Variants in GNA12 observed in about 807,000 individuals in gnomAD.
GNA12 encodes G protein subunit alpha 12, also known as guanine nucleotide-binding protein subunit alpha-12.
A neutral mutation model predicts 26.0 loss-of-function variants in GNA12; 9 were observed. That is an observed-to-expected ratio of 0.35 (90% CI 0.21 to 0.60). The LOEUF (loss-of-function observed/expected upper bound fraction) is 0.60. GNA12 is among the 20% of genes least tolerant of loss of function. The pLI is 0.78. For missense variants in GNA12, 405 were observed against 525.8 expected (o/e 0.77, Z 2.25); for synonymous variants, 264 against 219.6 (o/e 1.20, Z -1.79).
At chr7:2,780,022 C>G (rs6964740) in intron 2 of GNA12, among the ~76,000 whole-genome samples, 16,135 of 132,386 alleles carry the variant, frequency 0.12, 1,294 homozygotes, top group African/African-American at 0.17. Flanking sequence ...ACTTACACCA[C>G]GTACTAGTTT....
At chr7:2,757,916 C>T (rs572283901) in intron 2 of GNA12, among the ~76,000 whole-genome samples, 1 of 152,152 alleles carries the variant, frequency 6.6e-6, no homozygotes, top group Non-Finnish European at 1.5e-5. Context: ...GACTCCTGTT[C>T]GCTGTCCCCA....
chr7:2,749,544 G>C (rs1247243613), intron 2 of GNA12, among the ~76,000 whole-genome samples: 1 of 151,792 alleles, frequency 6.6e-6, no homozygotes, highest in East Asian at 1.9e-4. Context: ...ATAGCATTAG[G>C]AGATATACCT....
chr7:2,767,479 A>G (rs987138418), intron 2 of GNA12, among the ~76,000 whole-genome samples: 3 of 152,224 alleles, frequency 2.0e-5, no homozygotes, highest in African/African-American at 7.2e-5. Flanking sequence ...TAAATGTACA[A>G]TCACTTATGT....
At chr7:2,791,198 G>T (rs1238671819) in intron 2 of GNA12, among the ~76,000 whole-genome samples, 1 of 152,096 alleles carries the variant, frequency 6.6e-6, no homozygotes, top group South Asian at 2.1e-4. Flanking sequence ...TCTTTCTGTT[G>T]AGCATCCTGC....
At chr7:2,780,629 T>C (rs551505933) in intron 2 of GNA12, among the ~76,000 whole-genome samples, 1 of 152,350 alleles carries the variant, frequency 6.6e-6, no homozygotes, top group African/African-American at 2.4e-5. Flanking sequence ...ATATATGTGC[T>C]TATGTATGAA....
chr7:2,731,377 A>T lies in GNA12; in HGVS notation c.950T>A (p.Phe317Tyr). ...TVSIKKHFPDFRGDPHRLEDV... is the reference protein window; with the variant it reads ...TVSIKKHFPDYRGDPHRLEDV... ...CTCCAGCCTGTGCGGGTCGCCCCTGAAGTCCGGGAAGTGCTTCTTGATGCT... is the reference window on the plus strand; with the variant it reads ...CTCCAGCCTGTGCGGGTCGCCCCTGTAGTCCGGGAAGTGCTTCTTGATGCT... The change falls in exon 4 of 4, where the codon TTC becomes TAC. Residue 317 changes from phenylalanine (F) to tyrosine (Y), a missense_variant. Transcript: ENST00000275364. This position sits in a 1 kb window ranked among gnomAD's most constrained non-coding sequence, Gnocchi z 6.0. 6.2e-7 allele frequency: 1 copy of T among 1,613,332 alleles called. No individual in the cohort carries two copies. The highest frequency in any genetic ancestry group is 2.2e-5 in the East Asian group (1 of 44,836).
chr7:2,747,901 C>T (rs990982163), intron 2 of GNA12, among the ~76,000 whole-genome samples: 5 of 151,944 alleles, frequency 3.3e-5, no homozygotes, highest in African/African-American at 9.7e-5. Flanking sequence ...AGTGAACTCC[C>T]ATTCACAATT....
At chr7:2,740,370 C>G (rs143511799) in intron 2 of GNA12, among the ~76,000 whole-genome samples, 2 of 152,032 alleles carry the variant, frequency 1.3e-5, no homozygotes, top group Non-Finnish European at 1.5e-5. Context: ...AAGAAGAGAC[C>G]GGAGAGCTCT....
intron 2 of GNA12, among the ~76,000 whole-genome samples, chr7:2,737,289 G>GTTTTTTTTTTTTT (rs11389467): frequency 2.4e-4 from 15 of 62,278 alleles, no homozygotes; most frequent in African/African-American, 5.5e-4. Context: ...TTTTTTTTTT[G>GTTTTTTTTTTTTT]TTTTTTTTTT....
chr7:2,737,855 G>C (rs191176534), intron 2 of GNA12, among the ~76,000 whole-genome samples: 38 of 152,278 alleles, frequency 2.5e-4, no homozygotes, highest in African/African-American at 8.7e-4. Context: ...CCACTGAATA[G>C]AGACGCTAGC....
At chr7:2,786,705 T>G (rs753248328) in intron 2 of GNA12, among the ~76,000 whole-genome samples, 1 of 152,204 alleles carries the variant, frequency 6.6e-6, no homozygotes, top group Non-Finnish European at 1.5e-5. Flanking sequence ...AATCGAATGC[T>G]TGAGAAGTCA....
intron 2 of GNA12, chr7:2,765,136 G>T (rs916135266): frequency 2.6e-5 from 4 of 150,980 alleles, no homozygotes; most frequent in Admixed American, 2.0e-4. Context: ...GGGAAAAAAA[G>T]AATCACAGGC....
intron 2 of GNA12, chr7:2,762,703 G>C (rs1178251642): frequency 6.4e-7 from 1 of 1,570,356 alleles, no homozygotes; most frequent in East Asian, 2.4e-5. Flanking sequence ...CCGGGTGGAG[G>C]AGCGCCAGAG....
chr7:2,782,340 A>T (rs1792249290), intron 2 of GNA12, among the ~76,000 whole-genome samples: 1 of 152,224 alleles, frequency 6.6e-6, no homozygotes, highest in Non-Finnish European at 1.5e-5. Context: ...ATCAGAAATC[A>T]CATTCTTCCT....
At chr7:2,763,882 G>C (rs996059224) in intron 2 of GNA12, among the ~76,000 whole-genome samples, 3 of 152,222 alleles carry the variant, frequency 2.0e-5, no homozygotes, top group Non-Finnish European at 4.4e-5. Flanking sequence ...GAGACGGAGA[G>C]AGAAGGAGCT....
chr7:2,750,883 T>C (rs1255636889), intron 2 of GNA12, among the ~76,000 whole-genome samples: 1 of 152,070 alleles, frequency 6.6e-6, no homozygotes, highest in East Asian at 1.9e-4. Flanking sequence ...AACTGATTAA[T>C]ATGAGGGTGC....
intron 2 of GNA12, among the ~76,000 whole-genome samples, chr7:2,742,197 T>C: frequency 6.6e-6 from 1 of 151,896 alleles, no homozygotes; most frequent in Non-Finnish European, 1.5e-5. Context: ...AATTTTTGTA[T>C]TTTTACTACA....
intron 1 of GNA12, among the ~76,000 whole-genome samples, chr7:2,820,401 C>CTTTTTTTTTTTTT (rs35674433): frequency 2.0e-4 from 25 of 126,362 alleles, no homozygotes; most frequent in African/African-American, 6.0e-4. Context: ...CTCAATAAAG[C>CTTTTTTTTTTTTT]TTTTTTTTTT....
chr7:2,762,643 G>A (rs762475729), intron 2 of GNA12: 1 of 1,597,022 alleles, frequency 6.3e-7, no homozygotes, highest in Non-Finnish European at 8.5e-7. Context: ...ATGAAGCACA[G>A]AGCGGCAGGA....
Sources: allele counts gnomAD v4.1 joint callset (sites outside exome capture counted in the v4.1 genomes callset), GRCh38; gene constraint gnomAD v4.1.1; non-coding constraint Gnocchi (gnomAD v3.1); transcripts MANE v1.5; gene names NCBI Gene and HGNC (gene_info 2026-07-23, HGNC 2026-07-21).